Variants in PPP1R10 observed in about 807,000 individuals in gnomAD.
PPP1R10 encodes the protein serine/threonine-protein phosphatase 1 regulatory subunit 10.
A neutral mutation model predicts 99.0 loss-of-function variants in PPP1R10; 15 were observed. The observed-to-expected ratio is 0.15, with a 90% confidence interval of 0.10 to 0.23. The LOEUF (loss-of-function observed/expected upper bound fraction) is 0.23. Among genes scored for constraint, PPP1R10 ranks in the 10% least tolerant of loss-of-function variants. The pLI is 1.00. For synonymous variants in PPP1R10, 430 were observed against 449.5 expected (o/e 0.96, Z 0.55); for missense variants, 947 against 1,259.4 (o/e 0.75, Z 3.75).
chr6:30,610,668 A>G (rs1027149955), intron 2 of PPP1R10, among the ~76,000 whole-genome samples: 29 of 152,308 alleles, frequency 1.9e-4, no homozygotes, highest in South Asian at 1.0e-3. Context: ...CAAACACTAC[A>G]CAAGTTTTTA....
chr6:30,606,606 T>A lies in PPP1R10; in HGVS notation c.496A>T (p.Ser166Cys), dbSNP rs781685351. Reference sequence around the variant, plus strand: ...GGTCGCTCAGGAAGGGTAGTTCGACTTTTTCCTTCATCTTTACGTTTCTTC... The same window carrying A: ...GGTCGCTCAGGAAGGGTAGTTCGACATTTTCCTTCATCTTTACGTTTCTTC... ...DKKKRKDEGK[S>C]RTTLPERPLT... is the part of the protein sequence containing the mutation. The change falls in exon 8 of 20, where the codon AGT becomes TGT. Residue 166 changes from serine to cysteine, a missense_variant. Around this residue, in one of 10 missense-constraint regions of PPP1R10, gnomAD observed 92 missense variants for 159.2 expected, o/e 0.58. Coordinates refer to ENST00000376511, the MANE Select transcript of PPP1R10 (RefSeq NM_002714.4). This position sits in a 1 kb window ranked among gnomAD's most constrained non-coding sequence, Gnocchi z 6.3. 8.1e-6 allele frequency: 13 copies of A among 1,614,216 alleles called. No homozygotes were observed. Among genetic ancestry groups the A allele is most frequent in the Non-Finnish European group, 1.1e-5 (13 of 1,180,038 alleles).
Position 30,602,107 on chromosome 6 carries a change from G to A in PPP1R10, c.2542C>T (p.His848Tyr), listed in dbSNP as rs1803383584. The A allele has an allele frequency of 3.1e-6, 5 of 1,600,532 alleles. No individual in the cohort carries two copies. The highest frequency in any genetic ancestry group is 4.3e-6 in the Non-Finnish European group (5 of 1,172,704). The change falls in exon 19 of 20, where the codon CAT becomes TAT. Residue 848 changes from histidine (H) to tyrosine (Y), a missense_variant. This residue lies in a region of PPP1R10 where 525 missense variants were observed against 578.8 expected (regional missense o/e 0.91). Coordinates refer to ENST00000376511, the MANE Select transcript of PPP1R10 (RefSeq NM_002714.4). The surrounding 1 kb of genome is among the most constrained non-coding windows in gnomAD (Gnocchi z 6.7). ...GGCCCCCCGTGTCCAGGGCCTTCAT[G>A]GGGACGATGTCCACCACTTCCACCC... ...SMGGSGGHRP[H>Y]EGPGHGGPHG...
rs1803758609 is a variant in PPP1R10 at position 30,604,846 on chromosome 6, CTG to C, written c.955-113_955-112del. On this transcript the variant is annotated intron_variant, in intron 11 of 19. Coordinates refer to ENST00000376511, the MANE Select transcript of PPP1R10 (RefSeq NM_002714.4). This position sits in a 1 kb window ranked among gnomAD's most constrained non-coding sequence, Gnocchi z 7.3. ...AACAGTTCCTATATAAAGGAAGACT[CTG>C]TCTCCACAATGTCTCACCTGCACCA... 6.5e-7 allele frequency: 1 copy of C among 1,541,530 alleles called. No individual in the cohort carries two copies. Among genetic ancestry groups the C allele is most frequent in the African/African-American group, 1.4e-5 (1 of 73,346 alleles).
intron 10 of PPP1R10, chr6:30,605,701 A>T (rs769098463): frequency 3.8e-6 from 2 of 520,438 alleles, no homozygotes; most frequent in Non-Finnish European, 6.8e-6. Context: ...TCTACTAAAA[A>T]TACAAAAAAT....
Position 30,606,089 on chromosome 6 carries a change from T to C in PPP1R10, c.740+49A>G, listed in dbSNP as rs6457248. The C allele has an allele frequency of 0.021, 34,534 of 1,612,718 alleles. 717 individuals carry two copies. Among genetic ancestry groups the C allele is most frequent in the African/African-American group, 0.11 (8,010 of 74,920 alleles). ...CTCCGACTCACCCCCTCCTGCTCCC[T>C]TGTGTCCACAGATCCACCCCATTCA... On this transcript the variant is annotated intron_variant, in intron 9 of 19. Coordinates refer to ENST00000376511, the MANE Select transcript of PPP1R10 (RefSeq NM_002714.4). This position sits in a 1 kb window ranked among gnomAD's most constrained non-coding sequence, Gnocchi z 6.3.
intron 2 of PPP1R10, among the ~76,000 whole-genome samples, chr6:30,615,014 G>A (rs1054905804): frequency 1.3e-5 from 2 of 152,122 alleles, no homozygotes; most frequent in African/African-American, 4.8e-5. Flanking sequence ...CAAGAGGGTG[G>A]AGAGAGGAGG....
Position 30,602,975 on chromosome 6 carries a change from A to G in PPP1R10, c.1844-16T>C. 2 of 1,526,722 alleles carry G rather than the reference A, an allele frequency of 1.3e-6. No individual in the cohort carries two copies. The highest frequency in any genetic ancestry group is 1.8e-6 in the Non-Finnish European group (2 of 1,132,776). The allele number at this position is 1,526,722 out of a possible 1,614,324, so 94.6% of individuals were successfully genotyped here. ...CCATGTGGCACTGTTAATGAAAACA[A>G]GAGTAACACAGCATGAGCACTCTAG... On this transcript the variant is annotated splice_polypyrimidine_tract_variant and intron_variant, in intron 17 of 19. Transcript: ENST00000376511. This position sits in a 1 kb window ranked among gnomAD's most constrained non-coding sequence, Gnocchi z 6.7.
chr6:30,611,783 C>T (rs1305910926), intron 2 of PPP1R10, among the ~76,000 whole-genome samples: 3 of 152,024 alleles, frequency 2.0e-5, no homozygotes, highest in Admixed American at 6.6e-5. Flanking sequence ...GTTGAGAAGT[C>T]GCTGCTGCCC....
In PPP1R10 at chr6:30,604,582, G is replaced by T; in HGVS notation, c.1102+6C>A. On this transcript the variant is annotated splice_donor_region_variant and intron_variant, in intron 12 of 19. Coordinates refer to ENST00000376511, the MANE Select transcript of PPP1R10 (RefSeq NM_002714.4). This position sits in a 1 kb window ranked among gnomAD's most constrained non-coding sequence, Gnocchi z 7.3. ...ACCCCCCAAACTGAACCAGTTTCTA[G>T]ATTACCTGTATCCATGAGCTCCGGG... 1 of 1,612,982 alleles carries T rather than the reference G, an allele frequency of 6.2e-7. No individual in the cohort carries two copies.
intron 10 of PPP1R10, among the ~76,000 whole-genome samples, 155 bp from the exon 11 acceptor site, chr6:30,605,249 T>G (rs1258094780): frequency 1.3e-5 from 2 of 152,104 alleles, no homozygotes; most frequent in Admixed American, 6.5e-5. Flanking sequence ...TGCAGGAGGA[T>G]TCACACAGGA....
rs939708981 is a variant in PPP1R10 at position 30,600,471 on chromosome 6, CTCA to C, written c.*1075_*1077del. On this transcript the variant is annotated 3_prime_UTR_variant, in exon 20 of 20. Transcript: ENST00000376511. The stretch of plus-strand genomic sequence containing the variant: ...ATATACAAAACCAAAAAAAAAAATA[CTCA>C]TCCTCAAATCCATTTTGGCTCTAAC... The C allele has an allele frequency of 2.6e-5, 4 of 152,292 alleles. No homozygotes were observed. Among genetic ancestry groups the C allele is most frequent in the Admixed American group, 6.6e-5 (1 of 15,264 alleles). The allele number at this position is 152,292 out of a possible 1,614,324, so 9.4% of individuals were successfully genotyped here. A position where few individuals can be genotyped will look rare whatever the true frequency, so the allele number is the denominator to read the frequency against.
rs1803732803 is a variant in PPP1R10, at chr6:30,604,642, C to T, written c.1048G>A (p.Asp350Asn). Residue 350 changes from aspartate (D) to asparagine (N), a missense_variant, in exon 12 of 20, where the codon GAC (aspartate) becomes AAC (asparagine). Asp to Asn is a conservative substitution (Grantham distance 23, BLOSUM62 1). Transcript: ENST00000376511. This position sits in a 1 kb window ranked among gnomAD's most constrained non-coding sequence, Gnocchi z 7.3. The stretch of plus-strand genomic sequence containing the variant: ...GGGGGAACCGGGGTGCCTGGACGGT[C>T]TGCGTCCATTGCCTCAGAAGGTGGT... ...PAPPSEAMDA[D>N]RPGTPVPPVE... The T allele has an allele frequency of 1.9e-6, 3 of 1,613,136 alleles. No individual in the cohort carries two copies. Among genetic ancestry groups the T allele is most frequent in the Middle Eastern group, 1.7e-4 (1 of 6,060 alleles).
intron 2 of PPP1R10, among the ~76,000 whole-genome samples, chr6:30,616,252 C>T (rs1760518867): frequency 1.3e-5 from 2 of 152,238 alleles, no homozygotes; most frequent in African/African-American, 4.8e-5. Context: ...CCTCCACCCT[C>T]TCTTTGCCTG....
chr6:30,617,082 CCAAA>C (rs1034094593), intron 1 of PPP1R10, 84 bp from the exon 2 acceptor site: 4 of 152,444 alleles, frequency 2.6e-5, no homozygotes, highest in Non-Finnish European at 4.4e-5. Flanking sequence ...TTTGTTGTCC[CCAAA>C]CAAACCTGTG....
Position 30,603,296 on chromosome 6 carries a change from G to T in PPP1R10, c.1768-11C>A, listed in dbSNP as rs750229875. ...ACTGTTTGGGCTACCCTGTGAGGATGTAAGAAGGCAAAGTCAACAGACAGA... is the reference window on the plus strand; with the variant it reads ...ACTGTTTGGGCTACCCTGTGAGGATTTAAGAAGGCAAAGTCAACAGACAGA... On this transcript the variant is annotated splice_polypyrimidine_tract_variant and intron_variant, in intron 16 of 19. Coordinates refer to ENST00000376511, the MANE Select transcript of PPP1R10 (RefSeq NM_002714.4). The T allele has an allele frequency of 6.2e-6, 10 of 1,608,422 alleles. No individual in the cohort carries two copies. The South Asian group carries it at 8.8e-5, about 14-fold the overall frequency.
rs1337223262 is a variant in PPP1R10 at position 30,606,714 on chromosome 6, C to T, written c.460+65G>A. 4 of 1,608,884 alleles carry T rather than the reference C, an allele frequency of 2.5e-6. No homozygotes were observed. Among genetic ancestry groups the T allele is most frequent in the Admixed American group, 3.3e-5 (2 of 59,992 alleles). ...TGTCAGAGGTGAAGCAGACTGGGAG[C>T]ACCTAAAGGCCACATCCCAATAGGA... On this transcript the variant is annotated intron_variant, in intron 7 of 19. Transcript: ENST00000376511. The surrounding 1 kb of genome is among the most constrained non-coding windows in gnomAD (Gnocchi z 6.3).
At chr6:30,614,708 ACACACACGCT>A (rs1449910537) in intron 2 of PPP1R10, 1 of 152,100 alleles carries the variant, frequency 6.6e-6, no homozygotes, top group Non-Finnish European at 1.5e-5. Flanking sequence ...ATATATACAT[ACACACACGCT>A]CACACACATC....
intron 14 of PPP1R10, 50 bp downstream of exon 14, chr6:30,603,958 G>C (rs906305588): frequency 6.5e-7 from 1 of 1,539,634 alleles, no homozygotes; most frequent in Non-Finnish European, 8.7e-7. Flanking sequence ...TGTTCCCTCA[G>C]GAGTGTCCAA....
chr6:30,603,274 G>A lies in PPP1R10; in HGVS notation c.1779C>T (p.Asn593=). 6.2e-7 allele frequency: 1 copy of A among 1,613,184 alleles called. No individual in the cohort carries two copies. The highest frequency in any genetic ancestry group is 1.7e-4 in the Middle Eastern group (1 of 6,060). Reference sequence around the variant, plus strand: ...TCAGTAGTTCCTCTGAAGGATGACTGTTTGGGCTACCCTGTGAGGATGTAA... The same window carrying A: ...TCAGTAGTTCCTCTGAAGGATGACTATTTGGGCTACCCTGTGAGGATGTAA... ...EILTSIMGSP[N]SHPSEELLKQ... The change falls in exon 17 of 20, where the codon AAC becomes AAT. Residue 593 remains asparagine, a synonymous_variant. Coordinates refer to ENST00000376511, the MANE Select transcript of PPP1R10 (RefSeq NM_002714.4).
Sources: allele counts gnomAD v4.1 joint callset (sites outside exome capture counted in the v4.1 genomes callset), GRCh38; gene constraint gnomAD v4.1.1; regional missense constraint gnomAD v4.1.1; non-coding constraint Gnocchi (gnomAD v3.1); transcripts MANE v1.5; gene names NCBI Gene and HGNC (gene_info 2026-07-23, HGNC 2026-07-21).